The following CR1 variants were observed in gnomAD, a reference collection of about 807,000 sequenced individuals.
CR1 encodes complement C3b/C4b receptor 1 (Knops blood group), also known as complement receptor type 1.
CR1 carries 116 observed loss-of-function variants against 187.3 expected under a neutral mutation model. The observed-to-expected ratio is 0.62, with a 90% confidence interval of 0.53 to 0.72. The LOEUF is 0.72. Among genes scored for constraint, CR1 ranks in the 30% least tolerant of loss-of-function variants. The probability of loss-of-function intolerance (pLI) is 0.00; values close to 1 mark genes in which losing one functional copy is unlikely to be tolerated. For synonymous variants in CR1, 576 were observed against 747.1 expected, an observed-to-expected ratio of 0.77 and a Z score of 3.73; for missense variants, 1,731 against 2,110.7, an observed-to-expected ratio of 0.82 and a Z score of 3.52.
chr1:207,508,959 C>G (rs1242654060), intron 3 of CR1, among the ~76,000 whole-genome samples: 1 of 152,204 alleles, frequency 6.6e-6, no homozygotes, highest in African/African-American at 2.4e-5. Flanking sequence ...TGACCCCATT[C>G]ATTTGGAGTT....
Position 207,580,590 on chromosome 1 carries a change from G to T in CR1, c.5193G>T (p.Lys1731Asn). The change falls in exon 31 of 47, where the codon AAG becomes AAT. Residue 1731 changes from lysine (K) to asparagine (N), a missense_variant. This residue lies in a region of CR1 where 1,312 missense variants were observed against 1,379.6 expected (regional missense o/e 0.95). Transcript: ENST00000367049. ...LFPLNLQLGA[K>N]VSFVCDEGFR... ...CACTTAATCTCCAGCTTGGGGCAAA[G>T]GTGTCCTTTGTCTGTGATGAAGGGT... 2.5e-6 allele frequency: 4 copies of T among 1,613,380 alleles called. No individual in the cohort carries two copies. The highest frequency in any genetic ancestry group is 2.5e-6 in the Non-Finnish European group (3 of 1,179,760).
At chr1:207,497,159 C>T (rs1024362927) in intron 1 of CR1, among the ~76,000 whole-genome samples, 10 of 152,188 alleles carry the variant, frequency 6.6e-5, no homozygotes, top group Non-Finnish European at 1.3e-4. Flanking sequence ...CCAGAACATG[C>T]AATGTAACCG....
rs1290945712 is a variant in CR1 at position 207,640,442 on chromosome 1, A to G, written c.*1033A>G. 1 of 152,202 alleles carries G rather than the reference A, an allele frequency of 6.6e-6. No individual in the cohort carries two copies. Among genetic ancestry groups the G allele is most frequent in the Non-Finnish European group, 1.5e-5 (1 of 68,034 alleles). 9.4% of individuals were successfully genotyped at this position (152,202 alleles called of 1,614,324 possible). On this transcript the variant is annotated 3_prime_UTR_variant, in exon 47 of 47. Transcript: ENST00000367049. ...GAGCCACCGCGCCTGGCCGCTTTCG[A>G]TATTTTCTAAACTTTAATTCAAAAG...
chr1:207,614,074 G>C (rs1225123904), intron 39 of CR1, among the ~76,000 whole-genome samples: 1 of 152,184 alleles, frequency 6.6e-6, no homozygotes, highest in East Asian at 1.9e-4. Flanking sequence ...TGGCTCTTGT[G>C]CCCATGGAGA....
At chr1:207,522,536 T>A (rs773117531) in intron 4 of CR1, among the ~76,000 whole-genome samples, 6 of 152,198 alleles carry the variant, frequency 3.9e-5, no homozygotes, top group Non-Finnish European at 8.8e-5. Context: ...GCAGCCCAGT[T>A]GCCAAGCCCA....
chr1:207,516,495 A>T (rs1255068462), intron 4 of CR1, among the ~76,000 whole-genome samples: 1 of 152,230 alleles, frequency 6.6e-6, no homozygotes, highest in Non-Finnish European at 1.5e-5. Flanking sequence ...GCATTACCAT[A>T]TAAAATTTAG....
Position 207,526,646 on chromosome 1 carries a change from C to A in CR1, c.887-107C>A, listed in dbSNP as rs55640248. ...CAATGTAATAAGGCTGTTATTCTAA[C>A]TTTATTATTATATATAGATTTGTAA... On this transcript the variant is annotated intron_variant, in intron 5 of 46. Transcript: ENST00000367049. 531 of 1,449,234 alleles carry A rather than the reference C, an allele frequency of 3.7e-4. 34 individuals carry two copies. In the African/African-American group the frequency reaches 7.8e-3, roughly 21 times the overall value. 89.8% of individuals were successfully genotyped at this position (1,449,234 alleles called of 1,614,324 possible). A position where few individuals can be genotyped will look rare whatever the true frequency, so the allele number is the denominator to read the frequency against.
intron 27 of CR1, among the ~76,000 whole-genome samples, chr1:207,573,148 A>C (rs1660630532): frequency 6.6e-6 from 1 of 152,148 alleles, no homozygotes; most frequent in African/African-American, 2.4e-5. Context: ...AGGTGCTCAC[A>C]GCACACGGTC....
chr1:207,565,725 A>G, intron 23 of CR1, 113 bp from the exon 24 acceptor site: 1 of 1,416,070 alleles, frequency 7.1e-7, no homozygotes, highest in South Asian at 1.2e-5. Context: ...CAACTCTGCC[A>G]TCTGCTGGCC....
chr1:207,496,447 A>T, intron 1 of CR1, 59 bp downstream of exon 1: 1 of 1,526,340 alleles, frequency 6.6e-7, no homozygotes, highest in South Asian at 1.2e-5. Flanking sequence ...GGGGCCCCGC[A>T]GAGAACTCGC....
chr1:207,605,337 CCACACACACACACACACA>C (rs61201153), intron 35 of CR1, among the ~76,000 whole-genome samples: 3 of 142,698 alleles, frequency 2.1e-5, no homozygotes, highest in African/African-American at 7.6e-5. Flanking sequence ...AATATTCTCA[CCACACACACACACACACA>C]CACACACACA....
At chr1:207,525,244 A>T (rs1660133402) in intron 5 of CR1, among the ~76,000 whole-genome samples, 1 of 151,790 alleles carries the variant, frequency 6.6e-6, no homozygotes, top group Non-Finnish European at 1.5e-5. Flanking sequence ...GAGATTTGGG[A>T]GGGGACATAG....
At chr1:207,499,603 C>T (rs1472444161) in intron 1 of CR1, among the ~76,000 whole-genome samples, 1 of 152,188 alleles carries the variant, frequency 6.6e-6, no homozygotes, top group Admixed American at 6.5e-5. Flanking sequence ...CGCTTACATT[C>T]ATGGGGATAG....
At chr1:207,636,200 T>A (rs939771749) in intron 46 of CR1, among the ~76,000 whole-genome samples, 1 of 152,120 alleles carries the variant, frequency 6.6e-6, no homozygotes, top group African/African-American at 2.4e-5. Flanking sequence ...AGGATTAATA[T>A]GAAATTTATA....
chr1:207,607,397 A>G, intron 36 of CR1, 61 bp downstream of exon 36: 3 of 1,266,440 alleles, frequency 2.4e-6, no homozygotes, highest in South Asian at 1.2e-5. Context: ...CCCCTGGAGT[A>G]CAAAGAATAA....
At chr1:207,602,748 T>A (rs1468002796) in intron 35 of CR1, among the ~76,000 whole-genome samples, 4 of 152,100 alleles carry the variant, frequency 2.6e-5, no homozygotes, top group Non-Finnish European at 5.9e-5. Context: ...CTGATGGTTG[T>A]TTACCTGAAA....
chr1:207,588,424 G>T (rs1023023114), intron 34 of CR1, among the ~76,000 whole-genome samples: 2 of 152,190 alleles, frequency 1.3e-5, no homozygotes, highest in Non-Finnish European at 2.9e-5. Flanking sequence ...GCCGGCCTCG[G>T]CCTCCCAAAG....
intron 39 of CR1, among the ~76,000 whole-genome samples, chr1:207,613,955 T>C (rs1405167356): frequency 6.6e-6 from 1 of 152,178 alleles, no homozygotes; most frequent in African/African-American, 2.4e-5. Flanking sequence ...TCTTTCTAGA[T>C]GTTCCTGGCT....
intron 27 of CR1, among the ~76,000 whole-genome samples, chr1:207,574,248 C>T (rs2102332878): frequency 6.6e-6 from 1 of 152,258 alleles, no homozygotes; most frequent in Admixed American, 6.5e-5. Flanking sequence ...AGGGAAACTT[C>T]TGTGTTTCAG....
Sources: gnomAD v4.1 joint callset for allele counts (sites outside exome capture counted in the v4.1 genomes callset) on GRCh38, gnomAD v4.1.1 for gene constraint, gnomAD v4.1.1 regional missense constraint, MANE v1.5 for transcripts, NCBI Gene and HGNC (gene_info 2026-07-23, HGNC 2026-07-21) for gene names.